The following NXPE2 variants were observed in gnomAD, a reference collection of about 807,000 sequenced individuals.
NXPE2 encodes NXPE family member 2.
NXPE2 carries 34 observed loss-of-function variants against 34.4 expected under a neutral mutation model. The ratio of observed to expected loss-of-function variants is 0.99; its 90% CI spans 0.75 to 1.31. NXPE2 has a LOEUF of 1.31. Ranked by LOEUF, NXPE2 falls within the 40% of genes most tolerant of loss-of-function variation. NXPE2 has a pLI of 0.00. For missense variants in NXPE2, 649 were observed against 672.5 expected, an observed-to-expected ratio of 0.97 and a Z score of 0.39; for synonymous variants, 235 against 231.3, an observed-to-expected ratio of 1.02 and a Z score of -0.15.
chr11:114,684,956 G>A (rs1951019197), intron 2 of NXPE2, among the ~76,000 whole-genome samples: 1 of 152,102 alleles, frequency 6.6e-6, no homozygotes, highest in African/African-American at 2.4e-5. Flanking sequence ...CCTGGAGGAT[G>A]TCAAGACTTT....
At chr11:114,666,810 A>G in the NXPE2 span, among the ~76,000 whole-genome samples, 1 of 152,264 alleles carries the variant, frequency 6.6e-6, no homozygotes, top group South Asian at 2.1e-4. Context: ...TTGTATTTAC[A>G]ACATTTGAAC....
At chr11:114,629,631 C>T in the NXPE2 span, among the ~76,000 whole-genome samples, 703 of 152,160 alleles carry the variant, frequency 4.6e-3, 14 homozygotes, top group African/African-American at 0.016. Context: ...TGCCCTCTCT[C>T]ACCACTCCTA....
At chr11:114,646,401 G>C in the NXPE2 span, among the ~76,000 whole-genome samples, 1 of 151,510 alleles carries the variant, frequency 6.6e-6, no homozygotes, top group Non-Finnish European at 1.5e-5. Flanking sequence ...GTCCTTAGGT[G>C]GTATTTCAGT....
the NXPE2 span, among the ~76,000 whole-genome samples, chr11:114,519,767 T>C: frequency 5.8e-4 from 88 of 152,248 alleles, no homozygotes; most frequent in African/African-American, 2.0e-3. Context: ...TTTGTGTATG[T>C]ATCTTTTATT....
At chr11:114,540,021 C>A in the NXPE2 span, among the ~76,000 whole-genome samples, 4 of 152,192 alleles carry the variant, frequency 2.6e-5, no homozygotes, top group Admixed American at 1.3e-4. Context: ...CTTATGACCT[C>A]ACATCAGTAA....
the NXPE2 span, among the ~76,000 whole-genome samples, chr11:114,668,235 T>C: frequency 1.3e-5 from 2 of 152,054 alleles, no homozygotes; most frequent in Non-Finnish European, 2.9e-5. Context: ...TTAGGATCTA[T>C]GTTAATTAAG....
At chr11:114,808,483 T>TG in the NXPE2 span, among the ~76,000 whole-genome samples, 1 of 11,660 alleles carries the variant, frequency 8.6e-5, no homozygotes, top group Admixed American at 1.6e-3. Flanking sequence ...AAGAATCAAA[T>TG]AGATGCAATA....
chr11:114,755,263 G>A, the NXPE2 span, among the ~76,000 whole-genome samples: 1 of 152,200 alleles, frequency 6.6e-6, no homozygotes, highest in East Asian at 1.9e-4. Flanking sequence ...GCTGTGTGGG[G>A]GATGTACTAA....
At chr11:114,498,465 A>C in the NXPE2 span, among the ~76,000 whole-genome samples, 524 of 152,188 alleles carry the variant, frequency 3.4e-3, 3 homozygotes, top group African/African-American at 0.011. Flanking sequence ...TTAATAAAAA[A>C]CCATCAATTA....
the NXPE2 span, chr11:114,580,484 TG>T: frequency 2.8e-5 from 18 of 644,020 alleles, no homozygotes; most frequent in Non-Finnish European, 4.3e-5. Flanking sequence ...ATTCTCTTAA[TG>T]GAACAGCTGT....
the NXPE2 span, among the ~76,000 whole-genome samples, chr11:114,726,585 A>C: frequency 6.6e-6 from 1 of 152,086 alleles, no homozygotes; most frequent in Non-Finnish European, 1.5e-5. Flanking sequence ...TAGTTTTTGT[A>C]CAATGGACAG....
chr11:114,780,150 G>T, the NXPE2 span, among the ~76,000 whole-genome samples: 1 of 152,202 alleles, frequency 6.6e-6, no homozygotes, highest in Non-Finnish European at 1.5e-5. Context: ...ATCTCAAAGT[G>T]TCTCCCAAAT....
the NXPE2 span, chr11:114,527,717 C>T: frequency 3.4e-6 from 2 of 583,140 alleles, no homozygotes; most frequent in Admixed American, 3.4e-5. Flanking sequence ...CTTTAAAGTC[C>T]AGCATGATTG....
At chr11:114,527,948 G>A in the NXPE2 span, 16 of 1,409,078 alleles carry the variant, frequency 1.1e-5, no homozygotes, top group Non-Finnish European at 1.3e-5. Context: ...CTCTGCCCAT[G>A]TAACACAGGT....
chr11:114,530,460 A>T, the NXPE2 span: 1 of 1,614,224 alleles, frequency 6.2e-7, no homozygotes, highest in Non-Finnish European at 8.5e-7. Flanking sequence ...ACTGGGGTGG[A>T]TGAGCAGCAG....
the NXPE2 span, among the ~76,000 whole-genome samples, chr11:114,474,430 T>C: frequency 6.6e-6 from 1 of 152,190 alleles, no homozygotes; most frequent in Non-Finnish European, 1.5e-5. Context: ...TCCTGTAGGA[T>C]TAGCCTATAA....
chr11:114,659,120 C>T, the NXPE2 span, among the ~76,000 whole-genome samples: 1 of 152,202 alleles, frequency 6.6e-6, no homozygotes, highest in Non-Finnish European at 1.5e-5. Context: ...ATGCTCCTCC[C>T]TACCTCATGG....
chr11:114,739,337 TTC>T, the NXPE2 span, among the ~76,000 whole-genome samples: 1 of 37,462 alleles, frequency 2.7e-5, no homozygotes, highest in Middle Eastern at 0.012. Context: ...CCTTCCTTCC[TTC>T]CCCCCTTCCT....
At chr11:114,711,324 G>C (rs999002812), downstream of NXPE2, among the ~76,000 whole-genome samples, 1 of 152,012 alleles carries the variant, frequency 6.6e-6, no homozygotes, top group Admixed American at 6.6e-5. Flanking sequence ...TGGAAAAGCA[G>C]AAGTAAATTC....
Sources: allele counts gnomAD v4.1 joint callset (sites outside exome capture counted in the v4.1 genomes callset), GRCh38; gene constraint gnomAD v4.1.1; transcripts MANE v1.5; gene names NCBI Gene and HGNC (gene_info 2026-07-23, HGNC 2026-07-21).